The following BBS1 variants were observed in gnomAD, a reference collection of about 807,000 sequenced individuals.
The protein encoded by BBS1 is Bardet-Biedl syndrome 1.
In BBS1, 60 loss-of-function variants were observed where a neutral mutation model predicts 73.9. The ratio of observed to expected loss-of-function variants is 0.81; its 90% CI spans 0.66 to 1.01. BBS1 has a LOEUF of 1.01. BBS1 is among the 50% of genes least tolerant of loss of function. BBS1 has a pLI of 0.00. For synonymous variants in BBS1, 283 were observed against 317.4 expected, an observed-to-expected ratio of 0.89 and a Z score of 1.15; for missense variants, 718 against 770.3, an observed-to-expected ratio of 0.93 and a Z score of 0.80.
intron 13 of BBS1, 164 bp downstream of exon 13, chr11:66,526,971 T>C: frequency 6.4e-7 from 1 of 1,551,100 alleles, no homozygotes; most frequent in Non-Finnish European, 8.7e-7. Context: ...GAGGTACACG[T>C]TGCCTGCAAA....
intron 3 of BBS1, among the ~76,000 whole-genome samples, chr11:66,512,971 C>CCCA (rs1565281059): frequency 2.9e-5 from 4 of 139,516 alleles, no homozygotes; most frequent in African/African-American, 1.1e-4. Context: ...GACTCCATCT[C>CCCA]AAAAAAAAAA....
intron 9 of BBS1, chr11:66,523,053 A>G: frequency 2.4e-6 from 1 of 424,308 alleles, no homozygotes; most frequent in Non-Finnish European, 4.7e-6. Flanking sequence ...AGTAAACTAA[A>G]AACTGCATTG....
intron 13 of BBS1, chr11:66,529,338 G>A: frequency 1.3e-6 from 2 of 1,534,300 alleles, no homozygotes; most frequent in Non-Finnish European, 1.7e-6. Flanking sequence ...GCAGCATTGA[G>A]CCTGAGGTGT....
rs766975911 is a variant in BBS1, at chr11:66,531,956, G to T, written c.1701G>T (p.Leu567=). The T allele has an allele frequency of 8.2e-6, 13 of 1,592,980 alleles. No homozygotes were observed. Among genetic ancestry groups the T allele is most frequent in the Non-Finnish European group, 1.0e-5 (12 of 1,170,398 alleles). The change falls in exon 17 of 17, where the codon CTG becomes CTT. Residue 567 remains leucine (L), a synonymous_variant. Transcript: ENST00000318312. The part of the protein sequence containing the change: ...NKGISDIIKV[L]VLREGQSAPL... Reference sequence around the variant, plus strand: ...CCATGGCCACTCCTCCATAGGTGCTGGTGCTTCGAGAAGGCCAAAGTGCAC... The same window carrying T: ...CCATGGCCACTCCTCCATAGGTGCTTGTGCTTCGAGAAGGCCAAAGTGCAC...
intron 13 of BBS1, among the ~76,000 whole-genome samples, chr11:66,527,237 GA>G (rs1856555339): frequency 6.6e-6 from 1 of 151,828 alleles, no homozygotes; most frequent in Admixed American, 6.6e-5. Context: ...GAGAGAAAGA[GA>G]AAAGTAGAAT....
chr11:66,514,452 A>G lies in BBS1; in HGVS notation c.206A>G (p.Lys69Arg), dbSNP rs1164209883. 1 of 1,614,076 alleles carries G rather than the reference A, an allele frequency of 6.2e-7. No individual in the cohort carries two copies. The highest frequency in any genetic ancestry group is 1.7e-5 in the Admixed American group (1 of 60,002). The part of the protein sequence containing the change: ...LGPGGQQPRL[K>R]VLKGPLVMTE... ...CCTGGTGGGCAGCAGCCCCGCCTGA[A>G]GGTGCTCAAAGGACCACTGGTGATG... is the stretch of plus-strand genomic sequence containing the variant. The change falls in exon 4 of 17, where the codon AAG becomes AGG. Residue 69 changes from lysine to arginine, a missense_variant. By Grantham distance (26) the Lys-to-Arg change is conservative (BLOSUM62 2). Transcript: ENST00000318312.
At chr11:66,519,393 G>A (rs1416158639) in intron 7 of BBS1, among the ~76,000 whole-genome samples, 3 of 152,042 alleles carry the variant, frequency 2.0e-5, no homozygotes, top group Non-Finnish European at 4.4e-5. Flanking sequence ...AGACTGCATA[G>A]TTTTTGATCA....
chr11:66,528,728 G>A (rs1856623030), intron 13 of BBS1, among the ~76,000 whole-genome samples: 1 of 152,024 alleles, frequency 6.6e-6, no homozygotes, highest in African/African-American at 2.4e-5. Context: ...CAGCACTTTG[G>A]GAGGCCGAGG....
chr11:66,514,815 G>A, intron 4 of BBS1, 137 bp downstream of exon 4: 1 of 983,244 alleles, frequency 1.0e-6, no homozygotes, highest in Non-Finnish European at 1.5e-6. Context: ...CAGCAGTGAT[G>A]GCACTTTTTT....
Position 66,523,522 on chromosome 11 carries a change from C to G in BBS1, c.897C>G (p.His299Gln). ...SAQPVGLIRV[H>Q]KVLVVGSTQD... The stretch of plus-strand genomic sequence containing the variant: ...AGCCTGTGGGACTTATCCGGGTACA[C>G]AAGGTCCTAGTGGTGGGCAGCACCC... Residue 299 changes from histidine to glutamine, a missense_variant, in exon 10 of 17, where the codon CAC becomes CAG. Physicochemically the swap from His to Gln is conservative, Grantham distance 24 (BLOSUM62 0). Coordinates refer to ENST00000318312, the MANE Select transcript of BBS1 (RefSeq NM_024649.5). The G allele has an allele frequency of 6.2e-7, 1 of 1,614,154 alleles. No individual in the cohort carries two copies. Among genetic ancestry groups the G allele is most frequent in the East Asian group, 2.2e-5 (1 of 44,888 alleles).
chr11:66,529,441 A>G (rs1471082849), intron 13 of BBS1: 1 of 843,482 alleles, frequency 1.2e-6, no homozygotes, highest in South Asian at 1.4e-5. Flanking sequence ...CGTGGACACC[A>G]AGGACTCCTC....
chr11:66,528,040 G>A (rs1284595696), intron 13 of BBS1, among the ~76,000 whole-genome samples: 1 of 152,048 alleles, frequency 6.6e-6, no homozygotes, highest in African/African-American at 2.4e-5. Flanking sequence ...TGACCAGCCT[G>A]GCCAACATGG....
At position 66,523,669 on chromosome 11, in the gene BBS1, G is replaced by A. The variant is rs533592610; in HGVS notation, c.952-55G>A. ...CTCTGGCTTCCCCACCCCAGAAACC[G>A]TTCTTTCCACTGTAAGCCCTGAGCC... On this transcript the variant is annotated intron_variant, in intron 10 of 16. Transcript: ENST00000318312. 56 of 1,610,116 alleles carry A rather than the reference G, an allele frequency of 3.5e-5. No homozygotes were observed. In the African/African-American group the frequency reaches 3.9e-4, roughly 11 times the overall value.
rs1330681144 is a variant in BBS1 at position 66,530,927 on chromosome 11, C to A, written c.1507C>A (p.Leu503Ile). 1 of 1,614,126 alleles carries A rather than the reference C, an allele frequency of 6.2e-7. No individual in the cohort carries two copies. The highest frequency in any genetic ancestry group is 2.2e-5 in the East Asian group (1 of 44,890). Reference sequence around the variant, plus strand: ...CCTTGGCCCCACCTTTAAGCTCACACTTCACCTGCAGAACACCTCAACAAC... The same window carrying A: ...CCTTGGCCCCACCTTTAAGCTCACAATTCACCTGCAGAACACCTCAACAAC... ...QGLGPTFKLT[L>I]HLQNTSTTRP... The change falls in exon 15 of 17, where the codon CTT becomes ATT. Residue 503 changes from leucine (L) to isoleucine (I), a missense_variant. Transcript: ENST00000318312.
At chr11:66,530,825 A>G in intron 14 of BBS1, 69 bp from the exon 15 acceptor site, 9 of 1,603,472 alleles carry the variant, frequency 5.6e-6, no homozygotes, top group Non-Finnish European at 7.7e-6. Context: ...GAAGGCAGGC[A>G]GAGCACACTG....
At position 66,514,693 on chromosome 11, in the gene BBS1, T is replaced by C. The variant is rs1191681780; in HGVS notation, c.432+15T>C. ...AGGCCAAAGAGGTAAATAAATAACA[T>C]GGGAGTTGGGAACCAGAAGGCAAAG... On this transcript the variant is annotated intron_variant, in intron 4 of 16. Transcript: ENST00000318312. 1 of 1,607,428 alleles carries C rather than the reference T, an allele frequency of 6.2e-7. No individual in the cohort carries two copies. The highest frequency in any genetic ancestry group is 1.3e-5 in the African/African-American group (1 of 74,804).
chr11:66,510,922 T>G, intron 1 of BBS1, 91 bp from the exon 2 acceptor site: 1 of 1,460,224 alleles, frequency 6.8e-7, no homozygotes, highest in Non-Finnish European at 9.6e-7. Context: ...TTCTGTACCT[T>G]ATGTTCAGAG....
Position 66,533,055 on chromosome 11 carries a change from T to C in BBS1, c.*1018T>C, listed in dbSNP as rs1345523388. 3 of 152,168 alleles carry C rather than the reference T, an allele frequency of 2.0e-5. No homozygotes were observed. Among genetic ancestry groups the C allele is most frequent in the Non-Finnish European group, 4.4e-5 (3 of 68,032 alleles). The allele number at this position is 152,168 out of a possible 1,614,324, so 9.4% of individuals were successfully genotyped here. On this transcript the variant is annotated 3_prime_UTR_variant, in exon 17 of 17. Coordinates refer to ENST00000318312, the MANE Select transcript of BBS1 (RefSeq NM_024649.5). ...ATTTCTGAGGATGAAATGGGAGACATATGCCCAGCACCTGATGTAAGTTTA... is the reference window on the plus strand; with the variant it reads ...ATTTCTGAGGATGAAATGGGAGACACATGCCCAGCACCTGATGTAAGTTTA...
In BBS1 at chr11:66,524,300, G is replaced by C. The variant is rs1023968597; in HGVS notation, c.1110+418G>C. 9.0e-6 allele frequency: 3 copies of C among 333,352 alleles called. No individual in the cohort carries two copies. In the East Asian group the frequency reaches 2.4e-4, roughly 27 times the overall value. 20.6% of individuals were successfully genotyped at this position (333,352 alleles called of 1,614,324 possible). A position where few individuals can be genotyped will look rare whatever the true frequency, so the allele number is the denominator to read the frequency against. ...ATCTTAAAAAAAAAAAAAATGTGTT[G>C]AGCACCTCATATGTACCAGTCACCA... On this transcript the variant is annotated intron_variant, in intron 11 of 16. Transcript: ENST00000318312.
Sources: allele counts gnomAD v4.1 joint callset (sites outside exome capture counted in the v4.1 genomes callset), GRCh38; gene constraint gnomAD v4.1.1; transcripts MANE v1.5; gene names NCBI Gene and HGNC (gene_info 2026-07-23, HGNC 2026-07-21).